Variants in HEATR4 observed in about 807,000 individuals in gnomAD.
HEATR4 encodes the protein HEAT repeat-containing protein 4.
HEATR4 carries 95 observed loss-of-function variants against 108.8 expected under a neutral mutation model. That is an observed-to-expected ratio of 0.87 (90% CI 0.74 to 1.04). The LOEUF is 1.04. Ranked by LOEUF, HEATR4 falls within the 50% of genes least tolerant of loss-of-function variation. The probability of loss-of-function intolerance (pLI) is 0.00; values close to 1 mark genes in which losing one functional copy is unlikely to be tolerated. For missense variants in HEATR4, 1,152 were observed against 1,253.8 expected (o/e 0.92, Z 1.23); for synonymous variants, 443 against 459.4 (o/e 0.96, Z 0.46).
At chr14:73,553,471 A>T (rs568337062) in intron 1 of HEATR4, among the ~76,000 whole-genome samples, 1 of 112,548 alleles carries the variant, frequency 8.9e-6, no homozygotes, top group African/African-American at 2.9e-5. Context: ...GGATCGCGCC[A>T]CTGCACTCCA....
At chr14:73,611,925 G>A in the HEATR4 span, among the ~76,000 whole-genome samples, 2 of 152,058 alleles carry the variant, frequency 1.3e-5, no homozygotes, top group African/African-American at 4.8e-5. Context: ...AATCACCTGG[G>A]ATGCTTTTTC....
chr14:73,553,275 G>A (rs1156583915), intron 1 of HEATR4, among the ~76,000 whole-genome samples: 3 of 114,702 alleles, frequency 2.6e-5, no homozygotes, highest in African/African-American at 8.4e-5. Context: ...GGGAGGCTGA[G>A]GTGGGCGGAT....
intron 8 of HEATR4, 135 bp from the exon 9 acceptor site, chr14:73,508,429 C>G (rs2140274656): frequency 1.4e-6 from 1 of 717,172 alleles, no homozygotes; most frequent in Non-Finnish European, 2.3e-6. Context: ...TCTAGAAATA[C>G]AATTTCTTAT....
rs1382310059 is a variant in HEATR4 at position 73,542,050 on chromosome 14, T to A, written c.-151-11806A>T. 4.4e-5 allele frequency among the ~76,000 whole-genome samples: 5 copies of A among 112,944 alleles called. 1 individual carries two copies. Among genetic ancestry groups the A allele is most frequent in the African/African-American group, 1.5e-4 (5 of 33,550 alleles). 74.1% of individuals were successfully genotyped at this position (112,944 alleles called of 152,430 possible). A position where few individuals can be genotyped will look rare whatever the true frequency, so the allele number is the denominator to read the frequency against. On this transcript the variant is annotated intron_variant, in intron 1 of 17. Transcript: ENST00000553558. The stretch of plus-strand genomic sequence containing the variant: ...TTTGTATTTTCAGTAGAGACGGGGT[T>A]TCACAATATTTGTCAGGCTGGTCTT...
chr14:73,543,288 TG>T (rs1213962910), intron 1 of HEATR4: 1 of 1,580,672 alleles, frequency 6.3e-7, no homozygotes, highest in Non-Finnish European at 8.6e-7. Context: ...AACAGCCCTT[TG>T]GAAGGACCTG....
intron 17 of HEATR4, among the ~76,000 whole-genome samples, chr14:73,487,577 A>T (rs1885500177): frequency 6.6e-6 from 1 of 152,026 alleles, no homozygotes; most frequent in Non-Finnish European, 1.5e-5. Flanking sequence ...CAAAACAAAC[A>T]AACAAACAAA....
At chr14:73,612,969 GGGTGCGGCGCGAGCC>G in the HEATR4 span, 6 of 1,197,400 alleles carry the variant, frequency 5.0e-6, no homozygotes, top group South Asian at 1.0e-4. Flanking sequence ...CTCCGGCCGG[GGGTGCGGCGCGAGCC>G]GGTGCGCGCG....
rs757721780 is a variant in HEATR4, at chr14:73,519,132, T to C, written c.1101A>G (p.Ala367=). 1.2e-6 allele frequency: 2 copies of C among 1,613,598 alleles called. No homozygotes were observed. The highest frequency in any genetic ancestry group is 4.5e-5 in the East Asian group (2 of 44,864). Residue 367 remains alanine (A), a synonymous_variant, in exon 5 of 18, where the codon GCA becomes GCG. Coordinates refer to ENST00000553558, the MANE Select transcript of HEATR4 (RefSeq NM_001220484.1). Reference sequence around the variant, plus strand: ...TTTCCAGGACAATCTGGTCTCTCTTTGCACCAATCTGGTGGATGATCTGGA... The same window carrying C: ...TTTCCAGGACAATCTGGTCTCTCTTCGCACCAATCTGGTGGATGATCTGGA... The part of the protein sequence containing the change: ...DEVQIIHQIG[A]KRDQIVLENL...
chr14:73,493,127 A>G lies in HEATR4; in HGVS notation c.2786-3T>C. ...TCTTCTAGGAAGAACCATCTCATCT[A>G]GGTACAAAAGGAAAAGGAGAAGTTG... On this transcript the variant is annotated splice_region_variant and splice_polypyrimidine_tract_variant and intron_variant, in intron 16 of 17. Transcript: ENST00000553558. The G allele has an allele frequency of 6.2e-7, 1 of 1,611,510 alleles. No homozygotes were observed. The highest frequency in any genetic ancestry group is 1.1e-5 in the South Asian group (1 of 90,876).
At chr14:73,480,556 T>C (rs1885209528) in intron 17 of HEATR4, among the ~76,000 whole-genome samples, 1 of 152,150 alleles carries the variant, frequency 6.6e-6, no homozygotes, top group Admixed American at 6.5e-5. Flanking sequence ...TTTTTGAATA[T>C]TGTATGTGAA....
intron 13 of HEATR4, 52 bp from the exon 14 acceptor site, chr14:73,498,396 T>C: frequency 2.7e-6 from 4 of 1,462,548 alleles, no homozygotes; most frequent in Non-Finnish European, 2.8e-6. Flanking sequence ...TACTATATTC[T>C]AGCATCCAGA....
the HEATR4 span, among the ~76,000 whole-genome samples, chr14:73,599,924 T>C: frequency 6.6e-6 from 1 of 152,194 alleles, no homozygotes; most frequent in Non-Finnish European, 1.5e-5. Context: ...AAAAATCTCA[T>C]TTCATTATAG....
intron 2 of HEATR4, among the ~76,000 whole-genome samples, 176 bp from the exon 3 acceptor site, chr14:73,523,400 C>G (rs910603206): frequency 6.6e-6 from 1 of 152,198 alleles, no homozygotes; most frequent in Non-Finnish European, 1.5e-5. Context: ...TTTCATGTAT[C>G]AGACCCGTGT....
At chr14:73,587,970 A>G in the HEATR4 span, among the ~76,000 whole-genome samples, 1 of 151,912 alleles carries the variant, frequency 6.6e-6, no homozygotes, top group African/African-American at 2.4e-5. Flanking sequence ...ATTAATAATC[A>G]TAACTCCTAT....
chr14:73,583,868 T>C, the HEATR4 span, among the ~76,000 whole-genome samples: 135,672 of 151,094 alleles, frequency 0.9, 60,976 homozygotes, highest in South Asian at 0.93. Context: ...GGTGTGGTGG[T>C]GCGCACCTGT....
chr14:73,478,910 T>A (rs1885123261), intron 17 of HEATR4, 68 bp from the exon 18 acceptor site: 17 of 1,217,502 alleles, frequency 1.4e-5, no homozygotes, highest in Non-Finnish European at 1.9e-5. Context: ...AGAGCCCAAG[T>A]GAAGGCCTCT....
rs182022840 is a variant in HEATR4 at position 73,511,395 on chromosome 14, T to G, written c.1558+611A>C. Among the ~76,000 whole-genome samples, 261 of 151,906 alleles carry G rather than the reference T, an allele frequency of 1.7e-3. 1 individual carries two copies. The highest frequency in any genetic ancestry group is 6.8e-3 in the Middle Eastern group (2 of 294). On this transcript the variant is annotated intron_variant, in intron 7 of 17. Coordinates refer to ENST00000553558, the MANE Select transcript of HEATR4 (RefSeq NM_001220484.1). Reference sequence around the variant, plus strand: ...CTGGGCATGGTGGCACACGCCTGTATGTAGTCCCAGCTACTCGGGAGACTA... The same window carrying G: ...CTGGGCATGGTGGCACACGCCTGTAGGTAGTCCCAGCTACTCGGGAGACTA...
At chr14:73,499,249 G>A in intron 12 of HEATR4, 109 bp from the exon 13 acceptor site, 1 of 902,236 alleles carries the variant, frequency 1.1e-6, no homozygotes, top group Non-Finnish European at 1.9e-6. Context: ...GGGATGCCAA[G>A]GTGGGCGGAT....
chr14:73,516,516 C>T (rs897745762), intron 5 of HEATR4, among the ~76,000 whole-genome samples: 7 of 148,754 alleles, frequency 4.7e-5, no homozygotes, highest in Non-Finnish European at 1.0e-4. Context: ...TATTTAACCT[C>T]ATAGGAATAA....
Sources: gnomAD v4.1 joint callset for allele counts (sites outside exome capture counted in the v4.1 genomes callset) on GRCh38, gnomAD v4.1.1 for gene constraint, MANE v1.5 for transcripts, NCBI Gene and HGNC (gene_info 2026-07-23, HGNC 2026-07-21) for gene names.